The following PHF20L1 variants were observed in gnomAD, a reference collection of about 807,000 sequenced individuals.
PHF20L1 encodes the protein PHD finger protein 20-like protein 1.
Under a neutral mutation model 125.5 loss-of-function variants are expected in PHF20L1, and 44 were observed. The observed-to-expected ratio is 0.35, with a 90% CI of 0.28 to 0.45. PHF20L1 has a LOEUF of 0.45. Among genes scored for constraint, PHF20L1 ranks in the 20% least tolerant of loss-of-function variants. The pLI, the probability that PHF20L1 is intolerant of heterozygous loss-of-function variation, is 1.00. For missense variants in PHF20L1, 1,012 were observed against 1,217.2 expected (o/e 0.83, Z 2.51); for synonymous variants, 380 against 403.1 (o/e 0.94, Z 0.69).
At position 132,832,299 on chromosome 8, in the gene PHF20L1, ATCT is replaced by A; in HGVS notation, c.1813_1815del (p.Ser605del). 4 of 1,609,082 alleles carry A rather than the reference ATCT, an allele frequency of 2.5e-6. No individual in the cohort carries two copies. Among genetic ancestry groups the A allele is most frequent in the Non-Finnish European group, 3.4e-6 (4 of 1,175,798 alleles). Reference sequence around the variant, plus strand: ...AAAGGTGCTCTTCTCCACTAACTCGATCTTCTGGGAGTTCTCTGGCTTCACGAA... The same window carrying A: ...AAAGGTGCTCTTCTCCACTAACTCGATCTGGGAGTTCTCTGGCTTCACGAA... On this transcript the variant is annotated inframe_deletion, in exon 15 of 21. Transcript: ENST00000395386.
rs372189247 is a variant in PHF20L1, at chr8:132,842,802, A to C, written c.2675A>C (p.Glu892Ala). ...SDDDDVSSLE[E>A]EQEFHMRSKN... The stretch of plus-strand genomic sequence containing the variant: ...GATGATGATGTTAGTAGTTTGGAAG[A>C]AGAACAAGAATTCCACATGAGAAGT... Residue 892 changes from glutamate to alanine, a missense_variant, in exon 19 of 21, where the codon GAA becomes GCA. This residue lies in a region of PHF20L1 where 277 missense variants were observed against 283.6 expected (regional missense o/e 0.98). Transcript: ENST00000395386. 1 of 1,613,034 alleles carries C rather than the reference A, an allele frequency of 6.2e-7. No individual in the cohort carries two copies. The highest frequency in any genetic ancestry group is 1.3e-5 in the African/African-American group (1 of 74,858).
intron 6 of PHF20L1, among the ~76,000 whole-genome samples, chr8:132,801,229 C>T (rs16904739): frequency 8.6e-5 from 13 of 151,636 alleles, no homozygotes; most frequent in African/African-American, 2.4e-4. Flanking sequence ...TACGTTGTGA[C>T]TCACTAGTGT....
chr8:132,822,789 T>A (rs1425891624), intron 12 of PHF20L1, among the ~76,000 whole-genome samples: 2 of 152,102 alleles, frequency 1.3e-5, no homozygotes, highest in Admixed American at 1.3e-4. Context: ...GTGGTATTTT[T>A]ATATTTTTAT....
chr8:132,804,788 A>G, intron 8 of PHF20L1, 48 bp downstream of exon 8: 20 of 1,461,670 alleles, frequency 1.4e-5, no homozygotes, highest in Non-Finnish European at 1.9e-5. Flanking sequence ...GGAAGGTTTA[A>G]TTTTAGAGTA....
intron 8 of PHF20L1, chr8:132,810,613 T>TA (rs940684175): frequency 2.6e-5 from 4 of 156,192 alleles, no homozygotes; most frequent in African/African-American, 9.6e-5. Context: ...TTTTAGTTAC[T>TA]AAAACAACAG....
rs1334067814 is a variant in PHF20L1 at position 132,778,539 on chromosome 8, G to A, written c.83+628G>A. ...CCCCCTATTCTGGCCATTGTGGTAA[G>A]TGGTAAATTTAAACACCTCCCAACA... On this transcript the variant is annotated intron_variant, in intron 2 of 20. Coordinates refer to ENST00000395386, the MANE Select transcript of PHF20L1 (RefSeq NM_016018.5). 3.3e-5 allele frequency among the ~76,000 whole-genome samples: 5 copies of A among 152,184 alleles called. No homozygotes were observed. The East Asian group carries it at 9.6e-4, about 29-fold the overall frequency.
At chr8:132,783,447 A>AT (rs1421703409) in intron 2 of PHF20L1, among the ~76,000 whole-genome samples, 3 of 152,278 alleles carry the variant, frequency 2.0e-5, no homozygotes, top group African/African-American at 7.2e-5. Flanking sequence ...ATACTTGTTA[A>AT]TTTAAATAAA....
chr8:132,799,766 A>G (rs1422826097), intron 6 of PHF20L1: 1 of 151,936 alleles, frequency 6.6e-6, no homozygotes, highest in East Asian at 1.9e-4. Context: ...CACATTAAAA[A>G]AATTATTCAT....
At chr8:132,803,496 G>C in intron 6 of PHF20L1, 1 of 225,674 alleles carries the variant, frequency 4.4e-6, no homozygotes, top group Middle Eastern at 1.5e-3. Context: ...AAAATACTAA[G>C]GTAGAATGTC....
At chr8:132,818,284 T>G (rs1488044198) in intron 12 of PHF20L1, 4 of 151,930 alleles carry the variant, frequency 2.6e-5, no homozygotes, top group African/African-American at 9.7e-5. Flanking sequence ...TCTGGTAAAT[T>G]ACTGTTGGAA....
At chr8:132,812,406 G>A (rs1834499098) in intron 9 of PHF20L1, 1 of 984,938 alleles carries the variant, frequency 1.0e-6, no homozygotes, top group Non-Finnish European at 1.2e-6. Context: ...TAGTGTAGAG[G>A]GCAGTACCCG....
In PHF20L1 at chr8:132,817,002, C is replaced by G. The variant is rs756963681; in HGVS notation, c.1298C>G (p.Ser433Cys). Residue 433 changes from serine (S) to cysteine (C), a missense_variant, in exon 11 of 21, where the codon TCT (serine) becomes TGT (cysteine). Ser to Cys is a moderately radical substitution (Grantham distance 112). Transcript: ENST00000395386. ...MPDDSVEKVS[S>C]PSPATDGKVF... The stretch of plus-strand genomic sequence containing the variant: ...GATGATTCTGTAGAAAAGGTTTCTT[C>G]TCCCTCTCCAGCCACTGATGGGAAA... 1.2e-6 allele frequency: 2 copies of G among 1,609,442 alleles called. No homozygotes were observed. Among genetic ancestry groups the G allele is most frequent in the South Asian group, 1.1e-5 (1 of 90,606 alleles).
intron 8 of PHF20L1, chr8:132,806,487 G>C (rs1833721189): frequency 1.3e-5 from 2 of 151,974 alleles, no homozygotes; most frequent in African/African-American, 4.8e-5. Flanking sequence ...CAGCAGCAGA[G>C]CATAAGATTT....
rs1210086864 is a variant in PHF20L1, at chr8:132,816,967, A to C, written c.1263A>C (p.Leu421Phe). ...RRRRSQRLAT[L>F]PMPDDSVEKV... ...GAAGATCTCAGCGTTTAGCCACCTT[A>C]CCCATGCCTGATGATTCTGTAGAAA... Residue 421 changes from leucine (L) to phenylalanine (F), a missense_variant, in exon 11 of 21, where the codon TTA becomes TTC. Coordinates refer to ENST00000395386, the MANE Select transcript of PHF20L1 (RefSeq NM_016018.5). 1 of 1,611,626 alleles carries C rather than the reference A, an allele frequency of 6.2e-7. No individual in the cohort carries two copies. Among genetic ancestry groups the C allele is most frequent in the Admixed American group, 1.7e-5 (1 of 59,840 alleles).
intron 8 of PHF20L1, chr8:132,807,525 C>T (rs1180327678): frequency 3.7e-6 from 1 of 270,766 alleles, no homozygotes; most frequent in African/African-American, 2.3e-5. Flanking sequence ...TTTAAAAAAT[C>T]CTGAAATTTG....
At chr8:132,815,459 T>C (rs1181019600) in intron 10 of PHF20L1, 2 of 152,020 alleles carry the variant, frequency 1.3e-5, no homozygotes, top group East Asian at 1.9e-4. Context: ...TATCTATCTA[T>C]CTCCCTATAT....
chr8:132,837,671 G>A (rs1837516430), intron 16 of PHF20L1, 41 bp from the exon 17 acceptor site: 1 of 1,484,364 alleles, frequency 6.7e-7, no homozygotes, highest in African/African-American at 1.4e-5. Flanking sequence ...CTTATTCCTA[G>A]TGAGGATCGG....
intron 2 of PHF20L1, among the ~76,000 whole-genome samples, chr8:132,778,868 T>C (rs1206370463): frequency 6.6e-6 from 1 of 152,212 alleles, no homozygotes; most frequent in Admixed American, 6.5e-5. Flanking sequence ...ATGCGAGTTC[T>C]TGTTTAGCAG....
rs16904741 is a variant in PHF20L1, at chr8:132,802,619, A to G, written c.508-1200A>G. Among the ~76,000 whole-genome samples the G allele has an allele frequency of 7.2e-5, 11 of 151,940 alleles. No individual in the cohort carries two copies. The East Asian group carries it at 1.9e-3, about 27-fold the overall frequency. On this transcript the variant is annotated intron_variant, in intron 6 of 20. Coordinates refer to ENST00000395386, the MANE Select transcript of PHF20L1 (RefSeq NM_016018.5). ...CCTGGCATATAGGACAGGGTATTCA[A>G]TAGAAAATTGTTGATTGAATGTGTT...
Sources: allele counts gnomAD v4.1 joint callset (sites outside exome capture counted in the v4.1 genomes callset), GRCh38; gene constraint gnomAD v4.1.1; regional missense constraint gnomAD v4.1.1; transcripts MANE v1.5; gene names NCBI Gene and HGNC (gene_info 2026-07-23, HGNC 2026-07-21).